The following A2M variants were observed in gnomAD, a reference collection of about 807,000 sequenced individuals.
A2M encodes C3 and PZP-like alpha-2-macroglobulin domain-containing protein 5.
Under a neutral mutation model 183.9 loss-of-function variants are expected in A2M, and 128 were observed. That is an observed-to-expected ratio of 0.70 (90% CI 0.60 to 0.81). The LOEUF is 0.81. Ranked by LOEUF, A2M falls within the 30% of genes least tolerant of loss-of-function variation. The probability of loss-of-function intolerance (pLI) is 0.00; values close to 1 mark genes in which losing one functional copy is unlikely to be tolerated. For synonymous variants in A2M, 592 were observed against 670.8 expected (o/e 0.88, Z 1.81); for missense variants, 1,495 against 1,787.6 (o/e 0.84, Z 2.95).
chr12:9,100,885 C>T (rs1937780838), intron 13 of A2M, among the ~76,000 whole-genome samples: 1 of 151,832 alleles, frequency 6.6e-6, no homozygotes, highest in African/African-American at 2.4e-5. Flanking sequence ...ATACAATGGA[C>T]TTTGTGGATT....
At chr12:9,095,274 GTAAT>G (rs1222653612) in intron 16 of A2M, among the ~76,000 whole-genome samples, 190 bp from the exon 17 acceptor site, 1 of 152,074 alleles carries the variant, frequency 6.6e-6, no homozygotes, top group Non-Finnish European at 1.5e-5. Context: ...TCTTTCAACA[GTAAT>G]TATTTTGTAT....
chr12:9,069,900 A>G, intron 32 of A2M, 87 bp from the exon 33 acceptor site: 1 of 1,105,336 alleles, frequency 9.0e-7, no homozygotes, highest in African/African-American at 1.5e-5. Flanking sequence ...TTGCCAAAAT[A>G]ACCCTGAGGG....
intron 22 of A2M, among the ~76,000 whole-genome samples, chr12:9,083,314 C>T (rs998768670): frequency 2.6e-5 from 4 of 151,630 alleles, no homozygotes; most frequent in Non-Finnish European, 5.9e-5. Flanking sequence ...GGGTGCAGCA[C>T]ACCAACATGG....
chr12:9,079,317 A>T lies in A2M; in HGVS notation c.3046T>A (p.Leu1016Met). 2 of 1,613,700 alleles carry T rather than the reference A, an allele frequency of 1.2e-6. No individual in the cohort carries two copies. Among genetic ancestry groups the T allele is most frequent in the Non-Finnish European group, 8.5e-7 (1 of 1,179,746 alleles). Residue 1016 changes from leucine to methionine, a missense_variant, in exon 25 of 36, where the codon TTG (leucine) becomes ATG (methionine). Physicochemically the swap from Leu to Met is conservative, Grantham distance 15. Transcript: ENST00000318602. ...GAGCCATCATAGTGTTTGTAGTTCA[A>T]CTGTCTCTGGTAACCTGGAAAGGAA... ...GYLNTGYQRQ[L>M]NYKHYDGSYS...
Position 9,090,364 on chromosome 12 carries a change from T to G in A2M, c.2588A>C (p.Lys863Thr). The G allele has an allele frequency of 6.2e-7, 1 of 1,614,006 alleles. No individual in the cohort carries two copies. The highest frequency in any genetic ancestry group is 8.5e-7 in the Non-Finnish European group (1 of 1,179,886). ...AGCAGTTTTTTGCTCACCTAATGAC[T>G]TTGGGGTTACTGCCCAGGACACAGT... Reference protein sequence around the residue: ...RQTVSWAVTPKSLGNVNFTVS... With the variant: ...RQTVSWAVTPTSLGNVNFTVS... Residue 863 changes from lysine (K) to threonine (T), a missense_variant, in exon 20 of 36, where the codon AAG becomes ACG. Physicochemically the swap from Lys to Thr is moderately conservative, Grantham distance 78. Transcript: ENST00000318602.
chr12:9,109,322 G>T lies in A2M; in HGVS notation c.757C>A (p.Leu253Ile). ...EEEMNVSVCG[L>I]YTYGKPVPGH... ...AAGATTTTTAAAAAATGAACTCACAGGCCACACACTGATACATTCATCTCT... is the reference window on the plus strand; with the variant it reads ...AAGATTTTTAAAAAATGAACTCACATGCCACACACTGATACATTCATCTCT... Residue 253 changes from leucine to isoleucine, a missense_variant and splice_region_variant, in exon 7 of 36, where the codon CTA becomes ATA. Leu to Ile is a conservative substitution (Grantham distance 5). Coordinates refer to ENST00000318602, the MANE Select transcript of A2M (RefSeq NM_000014.6). 1 of 1,609,414 alleles carries T rather than the reference G, an allele frequency of 6.2e-7. No individual in the cohort carries two copies. Among genetic ancestry groups the T allele is most frequent in the Non-Finnish European group, 8.5e-7 (1 of 1,176,060 alleles).
intron 25 of A2M, among the ~76,000 whole-genome samples, chr12:9,078,160 C>G (rs897576092): frequency 2.0e-5 from 3 of 152,066 alleles, no homozygotes; most frequent in Admixed American, 6.6e-5. Flanking sequence ...TTTCTTGCAC[C>G]TATTGACCCA....
Position 9,112,531 on chromosome 12 carries a change from T to C in A2M, c.276A>G (p.Pro92=). ...DVLHCVAFAV[P]KSSSNEEVMF... is the part of the protein sequence containing the mutation. ...TTACCTCCTCATTGGATGAAGACTT[T>C]GGGACCTGAAATACAGGACCGATCC... Residue 92 remains proline (P), a synonymous_variant, in exon 3 of 36, where the codon CCA becomes CCG. Coordinates refer to ENST00000318602, the MANE Select transcript of A2M (RefSeq NM_000014.6). The C allele has an allele frequency of 6.2e-7, 1 of 1,613,678 alleles. No homozygotes were observed. The highest frequency in any genetic ancestry group is 2.2e-5 in the East Asian group (1 of 44,880).
Position 9,067,842 on chromosome 12 carries a change from G to A in A2M, c.4409-3C>T, listed in dbSNP as rs111482363. ...TGGTCTTCAAGCATTTCCAAGATCT[G>A]TGACATTGGAAAGAAAAAAAATTAA... On this transcript the variant is annotated splice_region_variant and splice_polypyrimidine_tract_variant and intron_variant, in intron 35 of 35. Transcript: ENST00000318602. 6.2e-7 allele frequency: 1 copy of A among 1,612,056 alleles called. No homozygotes were observed. Among genetic ancestry groups the A allele is most frequent in the Non-Finnish European group, 8.5e-7 (1 of 1,179,074 alleles).
At chr12:9,068,640 G>T in intron 34 of A2M, 100 bp downstream of exon 34, 1 of 947,452 alleles carries the variant, frequency 1.1e-6, no homozygotes, top group Non-Finnish European at 1.6e-6. Flanking sequence ...AAGTGATAAT[G>T]TAATTACTTA....
At chr12:9,071,401 G>T (rs2137638178) in intron 31 of A2M, among the ~76,000 whole-genome samples, 1 of 151,288 alleles carries the variant, frequency 6.6e-6, no homozygotes, top group East Asian at 1.9e-4. Context: ...TTATTTTTTG[G>T]CATATATATA....
At chr12:9,077,922 C>T in intron 25 of A2M, 65 bp from the exon 26 acceptor site, 3 of 1,593,620 alleles carry the variant, frequency 1.9e-6, no homozygotes, top group Non-Finnish European at 2.6e-6. Flanking sequence ...CACTTCACAG[C>T]AACAGGCTTC....
rs376480946 is a variant in A2M, at chr12:9,104,242, A to G, written c.1263T>C (p.Val421=). Residue 421 remains valine (V), a synonymous_variant, in exon 11 of 36, where the codon GTT becomes GTC. Coordinates refer to ENST00000318602, the MANE Select transcript of A2M (RefSeq NM_000014.6). ...GGTAATTTCTTTCCAAACTTACCCT[A>G]ACAGTAAGAGAGGTACCCATAACAT... ...TTNVMGTSLT[V]RVNYKDRSPC... The G allele has an allele frequency of 3.7e-6, 6 of 1,608,482 alleles. No homozygotes were observed. The highest frequency in any genetic ancestry group is 5.1e-6 in the Non-Finnish European group (6 of 1,177,956).
At chr12:9,082,002 A>T (rs1948920950) in intron 22 of A2M, among the ~76,000 whole-genome samples, 1 of 152,216 alleles carries the variant, frequency 6.6e-6, no homozygotes, top group African/African-American at 2.4e-5. Context: ...GAGTTTCCAG[A>T]TGGCCAGTCT....
intron 29 of A2M, 55 bp downstream of exon 29, chr12:9,074,505 A>C: frequency 6.7e-7 from 1 of 1,497,622 alleles, no homozygotes; most frequent in Admixed American, 2.1e-5. Flanking sequence ...TTTCTTTTTC[A>C]TTCAAATCTT....
Position 9,072,760 on chromosome 12 carries a change from A to G in A2M, c.3868T>C (p.Phe1290Leu), listed in dbSNP as rs1948616305. Residue 1290 changes from phenylalanine (F) to leucine (L), a missense_variant, in exon 30 of 36, where the codon TTC becomes CTC. Phe to Leu is a conservative substitution (Grantham distance 22, BLOSUM62 0). Coordinates refer to ENST00000318602, the MANE Select transcript of A2M (RefSeq NM_000014.6). ...IQSSGTFSSKFQVDNNNRLLL... is the reference protein window; with the variant it reads ...IQSSGTFSSKLQVDNNNRLLL... ...AGGCGGTTGTTGTTGTCCACTTGGA[A>G]TTTGCTGGAAAATGTCCCTGAAGAC... 1.2e-6 allele frequency: 2 copies of G among 1,613,984 alleles called. No homozygotes were observed. Among genetic ancestry groups the G allele is most frequent in the Non-Finnish European group, 1.7e-6 (2 of 1,180,032 alleles).
At chr12:9,103,029 A>T (rs1938006830) in intron 11 of A2M, among the ~76,000 whole-genome samples, 1 of 152,200 alleles carries the variant, frequency 6.6e-6, no homozygotes, top group African/African-American at 2.4e-5. Context: ...CTCTTGATGA[A>T]TAGAGGACTG....
At chr12:9,104,523 A>C in intron 10 of A2M, 123 bp from the exon 11 acceptor site, 1 of 1,011,340 alleles carries the variant, frequency 9.9e-7, no homozygotes. Context: ...CTGAGGACAC[A>C]GCAGTGAAAA....
In A2M at chr12:9,076,763, C is replaced by T. The variant is rs1311314340; in HGVS notation, c.3525G>A (p.Val1175=). The part of the protein sequence containing the change: ...EVLKSLNEEA[V]KKDNSVHWER... The stretch of plus-strand genomic sequence containing the variant: ...TCTCAGGTGTGCTCTCACCTTTCTT[C>T]ACAGCTTCCTCATTAAGTGACTTGA... The change falls in exon 28 of 36, where the codon GTG becomes GTA. Residue 1175 remains valine, a synonymous_variant. Coordinates refer to ENST00000318602, the MANE Select transcript of A2M (RefSeq NM_000014.6). 6.2e-7 allele frequency: 1 copy of T among 1,613,786 alleles called. No homozygotes were observed. Among genetic ancestry groups the T allele is most frequent in the Non-Finnish European group, 8.5e-7 (1 of 1,179,862 alleles).
Sources: allele counts gnomAD v4.1 joint callset (sites outside exome capture counted in the v4.1 genomes callset), GRCh38; gene constraint gnomAD v4.1.1; transcripts MANE v1.5; gene names NCBI Gene and HGNC (gene_info 2026-07-23, HGNC 2026-07-21).